The following ZNF28 variants were observed in gnomAD, a reference collection of about 807,000 sequenced individuals.
ZNF28 encodes zinc finger protein KOX24.
In ZNF28, 5 loss-of-function variants were observed where a neutral mutation model predicts 7.2. That is an observed-to-expected ratio of 0.70 (90% CI 0.36 to 1.46). The LOEUF (loss-of-function observed/expected upper bound fraction) is 1.46. Ranked by LOEUF, ZNF28 falls within the 40% of genes most tolerant of loss-of-function variation. ZNF28 has a pLI of 0.03. For missense variants in ZNF28, 879 were observed against 866.6 expected (o/e 1.01, Z -0.18); for synonymous variants, 288 against 292.4 (o/e 0.99, Z 0.15).
chr19:52,816,536 T>C (rs1002861346), intron 2 of ZNF28, among the ~76,000 whole-genome samples: 4 of 144,674 alleles, frequency 2.8e-5, no homozygotes, highest in Non-Finnish European at 5.9e-5. Context: ...TGGTGGCGGG[T>C]GCCTGTAGTC....
chr19:52,804,537 A>C (rs2062912794), intron 3 of ZNF28, among the ~76,000 whole-genome samples: 1 of 152,046 alleles, frequency 6.6e-6, no homozygotes, highest in Non-Finnish European at 1.5e-5. Flanking sequence ...TACACAGCTA[A>C]TTTTTGCATT....
At position 52,815,812 on chromosome 19, in the gene ZNF28, G is replaced by A. The variant is rs1196270182; in HGVS notation, c.15+2132C>T. 8.9e-5 allele frequency among the ~76,000 whole-genome samples: 13 copies of A among 145,776 alleles called. 2 individuals carry two copies. Among genetic ancestry groups the A allele is most frequent in the East Asian group, 4.0e-4 (2 of 4,968 alleles). ...TGCACTCCAGCCTGGGCGACAGAGC[G>A]AGGCTCCATCTCAAAAAAAATAAAT... On this transcript the variant is annotated intron_variant, in intron 2 of 3. Transcript: ENST00000457749.
chr19:52,804,765 A>C (rs1471297188), intron 3 of ZNF28, among the ~76,000 whole-genome samples: 4 of 152,196 alleles, frequency 2.6e-5, no homozygotes, highest in Non-Finnish European at 4.4e-5. Flanking sequence ...TTGGTCTCTG[A>C]AAGTGCTGGG....
At position 52,815,101 on chromosome 19, in the gene ZNF28, T is replaced by A. The variant is rs368256207; in HGVS notation, c.15+2843A>T. 1.1e-4 allele frequency among the ~76,000 whole-genome samples: 16 copies of A among 139,890 alleles called. 5 individuals carry two copies. Among genetic ancestry groups the A allele is most frequent in the African/African-American group, 4.6e-4 (16 of 35,130 alleles). 91.8% of individuals were successfully genotyped at this position (139,890 alleles called of 152,430 possible). On this transcript the variant is annotated intron_variant, in intron 2 of 3. Transcript: ENST00000457749. ...TGTGTATGTGTGTGTATATATATATTTATATATATATATAAAGGTTTTTAA... is the reference window on the plus strand; with the variant it reads ...TGTGTATGTGTGTGTATATATATATATATATATATATATAAAGGTTTTTAA...
At chr19:52,816,490 C>G (rs2063125597) in intron 2 of ZNF28, among the ~76,000 whole-genome samples, 1 of 145,196 alleles carries the variant, frequency 6.9e-6, no homozygotes, top group Non-Finnish European at 1.5e-5. Flanking sequence ...CGGTGAAACC[C>G]CGTCTCTACT....
chr19:52,806,950 G>A (rs1600441559), intron 3 of ZNF28, among the ~76,000 whole-genome samples: 2 of 152,062 alleles, frequency 1.3e-5, no homozygotes, highest in South Asian at 4.1e-4. Context: ...AGAGATAAGC[G>A]GGGGCAAAGA....
At chr19:52,817,264 C>A (rs374473111) in intron 2 of ZNF28, among the ~76,000 whole-genome samples, 4 of 151,980 alleles carry the variant, frequency 2.6e-5, no homozygotes, top group African/African-American at 7.2e-5. Context: ...GCCAGCTACT[C>A]GGGAGGCTGA....
At position 52,800,383 on chromosome 19, in the gene ZNF28, T is replaced by C. The variant is rs1212334898; in HGVS notation, c.1462A>G (p.Ile488Val). 3 of 1,613,950 alleles carry C rather than the reference T, an allele frequency of 1.9e-6. No homozygotes were observed. The highest frequency in any genetic ancestry group is 3.3e-5 in the Admixed American group (2 of 59,984). The part of the protein sequence containing the change: ...CKSHLERHRR[I>V]HTGEKPYKCK... ...TTGTATGGTTTCTCTCCAGTATGAA[T>C]CCTCCTATGTCTTTCAAGGTGTGAT... The change falls in exon 4 of 4, where the codon ATT becomes GTT. Residue 488 changes from isoleucine (I) to valine (V), a missense_variant. By Grantham distance (29) the Ile-to-Val change is conservative. Around this residue, in one of 2 missense-constraint regions of ZNF28, gnomAD observed 864 missense variants for 830.2 expected, o/e 1.04. Transcript: ENST00000457749.
intron 2 of ZNF28, among the ~76,000 whole-genome samples, chr19:52,812,880 T>C (rs1265516886): frequency 2.6e-5 from 4 of 151,452 alleles, no homozygotes; most frequent in Non-Finnish European, 5.9e-5. Context: ...ACTATAGTTT[T>C]AAGGCTACTT....
At chr19:52,818,435 G>C (rs2063154345) in intron 1 of ZNF28, among the ~76,000 whole-genome samples, 1 of 152,182 alleles carries the variant, frequency 6.6e-6, no homozygotes, top group Non-Finnish European at 1.5e-5. Context: ...AAATTGGGCT[G>C]GGCTCAGTGG....
intron 1 of ZNF28, among the ~76,000 whole-genome samples, chr19:52,819,010 A>T (rs1331646575): frequency 7.0e-6 from 1 of 143,630 alleles, no homozygotes; most frequent in East Asian, 2.0e-4. Flanking sequence ...CATGGGAGAC[A>T]GCTCTGAGCC....
At chr19:52,821,153 G>A (rs2063192566) in intron 1 of ZNF28, among the ~76,000 whole-genome samples, 2 of 151,590 alleles carry the variant, frequency 1.3e-5, no homozygotes, top group South Asian at 4.2e-4. Flanking sequence ...CGACGCCTTC[G>A]GACAAGGGTG....
intron 2 of ZNF28, 123 bp from the exon 3 acceptor site, chr19:52,808,256 G>T (rs541984586): frequency 6.6e-7 from 1 of 1,505,602 alleles, no homozygotes; most frequent in Non-Finnish European, 8.9e-7. Flanking sequence ...TCCGAGTGAC[G>T]GATTTTTCAC....
At chr19:52,801,951 G>C (rs1386510154) in intron 3 of ZNF28, among the ~76,000 whole-genome samples, 1 of 152,112 alleles carries the variant, frequency 6.6e-6, no homozygotes, top group African/African-American at 2.4e-5. Flanking sequence ...ACATGTGTGA[G>C]CCTAAAGTAA....
intron 1 of ZNF28, among the ~76,000 whole-genome samples, chr19:52,819,829 A>G (rs1310680107): frequency 7.0e-6 from 1 of 143,396 alleles, no homozygotes; most frequent in African/African-American, 2.8e-5. Flanking sequence ...AGAAAATCAC[A>G]CTAACATTTA....
At chr19:52,817,635 A>C (rs1422052969) in intron 2 of ZNF28, among the ~76,000 whole-genome samples, 1 of 152,068 alleles carries the variant, frequency 6.6e-6, no homozygotes, top group Non-Finnish European at 1.5e-5. Flanking sequence ...CAGTGCATCC[A>C]GATGTGGCCC....
Sources: allele counts gnomAD v4.1 joint callset (sites outside exome capture counted in the v4.1 genomes callset), GRCh38; gene constraint gnomAD v4.1.1; regional missense constraint gnomAD v4.1.1; transcripts MANE v1.5; gene names NCBI Gene and HGNC (gene_info 2026-07-23, HGNC 2026-07-21).